DAPK1: variants seen among roughly 807,000 people sequenced by gnomAD.
The protein encoded by DAPK1 is death associated protein kinase 1, also known as death-associated protein kinase 1.
A neutral mutation model predicts 144.9 loss-of-function variants in DAPK1; 56 were observed. The ratio of observed to expected loss-of-function variants is 0.39; its 90% CI spans 0.31 to 0.48. DAPK1 has a LOEUF of 0.48. Among genes scored for constraint, DAPK1 ranks in the 20% least tolerant of loss-of-function variants. The probability of loss-of-function intolerance (pLI) is 0.95; values close to 1 mark genes in which losing one functional copy is unlikely to be tolerated. For missense variants in DAPK1, 1,454 were observed against 1,875.4 expected (o/e 0.78, Z 4.15); for synonymous variants, 690 against 749.0 (o/e 0.92, Z 1.29).
chr9:87,621,089 GT>G (rs1829278409), intron 3 of DAPK1, among the ~76,000 whole-genome samples: 1 of 152,232 alleles, frequency 6.6e-6, no homozygotes, highest in Non-Finnish European at 1.5e-5. Flanking sequence ...TGGAGCTATA[GT>G]TTGTCTGTCA....
intron 3 of DAPK1, among the ~76,000 whole-genome samples, chr9:87,626,296 T>G (rs1829488126): frequency 6.6e-6 from 1 of 152,080 alleles, no homozygotes; most frequent in Non-Finnish European, 1.5e-5. Flanking sequence ...ACGCCTGTAA[T>G]CCCAGCTACT....
At chr9:87,502,158 G>A (rs1455446916) in intron 2 of DAPK1, among the ~76,000 whole-genome samples, 1 of 152,036 alleles carries the variant, frequency 6.6e-6, no homozygotes, top group African/African-American at 2.4e-5. Flanking sequence ...TGCCTTATAG[G>A]AAAAGGGTCA....
chr9:87,545,959 A>T (rs1023758421), intron 2 of DAPK1, among the ~76,000 whole-genome samples: 2 of 152,152 alleles, frequency 1.3e-5, no homozygotes, highest in Non-Finnish European at 2.9e-5. Flanking sequence ...ATCCTCAGAA[A>T]GTGTAAAAGA....
intron 2 of DAPK1, among the ~76,000 whole-genome samples, chr9:87,587,257 G>A (rs1000676892): frequency 3.3e-5 from 5 of 152,088 alleles, no homozygotes; most frequent in South Asian, 2.1e-4. Flanking sequence ...TAATAATAAC[G>A]GAAGAAAAAA....
intron 2 of DAPK1, among the ~76,000 whole-genome samples, chr9:87,568,361 A>G (rs1258169166): frequency 6.6e-6 from 1 of 152,250 alleles, no homozygotes; most frequent in African/African-American, 2.4e-5. Flanking sequence ...GATCAAACAG[A>G]CACCATCCCA....
At chr9:87,604,832 C>A in intron 2 of DAPK1, 122 bp from the exon 3 acceptor site, 1 of 813,666 alleles carries the variant, frequency 1.2e-6, no homozygotes, top group African/African-American at 1.7e-5. Context: ...TAATTTGTTA[C>A]TTTCCACAAT....
intron 17 of DAPK1, among the ~76,000 whole-genome samples, chr9:87,656,800 G>A (rs1830643538): frequency 1.3e-5 from 2 of 152,320 alleles, no homozygotes; most frequent in East Asian, 1.9e-4. Flanking sequence ...AGAGTGGGAG[G>A]TGGGCTATGA....
intron 18 of DAPK1, among the ~76,000 whole-genome samples, chr9:87,659,775 C>T (rs926129241): frequency 9.9e-5 from 15 of 152,172 alleles, no homozygotes; most frequent in African/African-American, 3.6e-4. Context: ...ACCTCAGAGC[C>T]GCACCCGCAG....
chr9:87,646,096 CTTCTCCA>C, intron 12 of DAPK1, 82 bp downstream of exon 12: 1 of 1,487,452 alleles, frequency 6.7e-7, no homozygotes, highest in Non-Finnish European at 9.2e-7. Flanking sequence ...ACCCCATCTG[CTTCTCCA>C]TTCTCCCTTC....
At chr9:87,701,773 C>T (rs1825464274) in intron 24 of DAPK1, 5 of 418,540 alleles carry the variant, frequency 1.2e-5, no homozygotes, top group South Asian at 3.5e-5. Context: ...CTGTGCTTCC[C>T]GCACCAGATT....
At chr9:87,613,041 G>A (rs1036311863) in intron 3 of DAPK1, among the ~76,000 whole-genome samples, 3 of 152,154 alleles carry the variant, frequency 2.0e-5, no homozygotes, top group East Asian at 1.9e-4. Context: ...CTTCCATTTC[G>A]AAGCACATCT....
intron 2 of DAPK1, among the ~76,000 whole-genome samples, chr9:87,514,328 G>T (rs1040643887): frequency 1.3e-5 from 2 of 152,180 alleles, no homozygotes; most frequent in African/African-American, 4.8e-5. Flanking sequence ...GATTTGTATG[G>T]ACTGTCCCAG....
chr9:87,558,631 G>C (rs1008970917), intron 2 of DAPK1, among the ~76,000 whole-genome samples: 8 of 152,206 alleles, frequency 5.3e-5, no homozygotes, highest in African/African-American at 1.9e-4. Context: ...GGTTTCTGCT[G>C]TTTGTGACTT....
At position 87,548,082 on chromosome 9, in the gene DAPK1, A is replaced by G. The variant is rs36231687; in HGVS notation, c.62+48943A>G. Among the ~76,000 whole-genome samples the G allele has an allele frequency of 7.1e-3, 1,082 of 152,294 alleles. 24 individuals carry two copies. The highest frequency in any genetic ancestry group is 0.025 in the African/African-American group (1,025 of 41,544). Reference sequence around the variant, plus strand: ...TCACTGGGGCTTCTGTCAGATGAACACTGTTATGCTAACTTCTCTAGGCAG... The same window carrying G: ...TCACTGGGGCTTCTGTCAGATGAACGCTGTTATGCTAACTTCTCTAGGCAG... On this transcript the variant is annotated intron_variant, in intron 2 of 25. Transcript: ENST00000408954.
At chr9:87,601,583 T>A (rs946365965) in intron 2 of DAPK1, among the ~76,000 whole-genome samples, 2 of 152,074 alleles carry the variant, frequency 1.3e-5, no homozygotes, top group African/African-American at 4.8e-5. Context: ...GGGGTAATAC[T>A]GCATCACTGT....
chr9:87,547,245 ATGT>A (rs767336633), intron 2 of DAPK1, among the ~76,000 whole-genome samples: 6 of 152,196 alleles, frequency 3.9e-5, no homozygotes, highest in African/African-American at 1.2e-4. Flanking sequence ...TAAAATCCTG[ATGT>A]TGTATTAATG....
At chr9:87,563,499 T>C (rs995115995) in intron 2 of DAPK1, among the ~76,000 whole-genome samples, 12 of 152,338 alleles carry the variant, frequency 7.9e-5, no homozygotes, top group African/African-American at 2.6e-4. Context: ...ATTCCCTGAA[T>C]TGGGGCTGGC....
intron 2 of DAPK1, among the ~76,000 whole-genome samples, chr9:87,529,899 G>C (rs1471145028): frequency 2.6e-5 from 4 of 152,130 alleles, no homozygotes; most frequent in Non-Finnish European, 2.9e-5. Context: ...CTTTAAATTT[G>C]GGATTCATAA....
chr9:87,705,468 C>T (rs1056753388), intron 25 of DAPK1, among the ~76,000 whole-genome samples: 14 of 152,026 alleles, frequency 9.2e-5, no homozygotes, highest in Admixed American at 3.3e-4. Flanking sequence ...GTGATCCACC[C>T]GCCTCGGCCT....
Sources: allele counts gnomAD v4.1 joint callset (sites outside exome capture counted in the v4.1 genomes callset), GRCh38; gene constraint gnomAD v4.1.1; transcripts MANE v1.5; gene names NCBI Gene and HGNC (gene_info 2026-07-23, HGNC 2026-07-21).